Variants in GPRC5C observed in about 807,000 individuals in gnomAD.
GPRC5C encodes G protein-coupled receptor class C group 5 member C.
A neutral mutation model predicts 31.4 loss-of-function variants in GPRC5C; 22 were observed. That is an observed-to-expected ratio of 0.70 (90% confidence interval 0.50 to 1.00). The LOEUF (loss-of-function observed/expected upper bound fraction) is 1.00. GPRC5C is among the 50% of genes least tolerant of loss of function. The pLI is 0.00. For synonymous variants in GPRC5C, 249 were observed against 257.5 expected, an observed-to-expected ratio of 0.97 and a Z score of 0.32; for missense variants, 557 against 597.2, an observed-to-expected ratio of 0.93 and a Z score of 0.70.
intron 2 of GPRC5C, among the ~76,000 whole-genome samples, chr17:74,441,662 A>G (rs1350890190): frequency 6.6e-6 from 1 of 152,162 alleles, no homozygotes; most frequent in Non-Finnish European, 1.5e-5. Context: ...GTCTCTACAA[A>G]TAATTTCAAA....
At position 74,440,348 on chromosome 17, in the gene GPRC5C, A is replaced by C; in HGVS notation, c.572A>C (p.Asn191Thr). The C allele has an allele frequency of 6.2e-7, 1 of 1,614,152 alleles. No individual in the cohort carries two copies. The highest frequency in any genetic ancestry group is 8.5e-7 in the Non-Finnish European group (1 of 1,180,018). Reference sequence around the variant, plus strand: ...AGTGGCGAGGGCGGCCCTCAGGGCAACAGCAGCGCAGGCTGGGCCGTGGCC... The same window carrying C: ...AGTGGCGAGGGCGGCCCTCAGGGCACCAGCAGCGCAGGCTGGGCCGTGGCC... ...RGSGEGGPQG[N>T]SSAGWAVASP... Residue 191 changes from asparagine (N) to threonine (T), a missense_variant, in exon 2 of 4, where the codon AAC (asparagine) becomes ACC (threonine). Physicochemically the swap from Asn to Thr is moderately conservative, Grantham distance 65. Transcript: ENST00000392627. This position sits in a 1 kb window ranked among gnomAD's most constrained non-coding sequence, Gnocchi z 4.4.
At chr17:74,449,867 C>T, downstream of GPRC5C, 1 of 155,670 alleles carries the variant, frequency 6.4e-6, no homozygotes. Flanking sequence ...CAGAAGTTGG[C>T]CCTTGCCCTT....
At chr17:74,432,383 G>A in intron 1 of GPRC5C, 2 of 1,313,390 alleles carry the variant, frequency 1.5e-6, no homozygotes, top group Non-Finnish European at 1.9e-6. Context: ...CTGCGTCCCG[G>A]CCCGGGCCCC....
At chr17:74,438,685 C>G (rs2055480133) in intron 1 of GPRC5C, among the ~76,000 whole-genome samples, 1 of 152,176 alleles carries the variant, frequency 6.6e-6, no homozygotes, top group South Asian at 2.1e-4. Context: ...AGGCATGAAC[C>G]ACCGTGCCCA....
chr17:74,433,504 T>C (rs1459391531), intron 1 of GPRC5C, among the ~76,000 whole-genome samples: 1 of 152,156 alleles, frequency 6.6e-6, no homozygotes, highest in East Asian at 1.9e-4. Context: ...AGGCGTCTCC[T>C]GTGCGCCTTC....
Position 74,443,147 on chromosome 17 carries a change from C to T in GPRC5C, c.1052-671C>T, listed in dbSNP as rs566210744. On this transcript the variant is annotated intron_variant, in intron 2 of 3. Transcript: ENST00000392627. ...CCGAGGCCCCGGGGTGCGTCAGCAG[C>T]CCTCCTCAAACACCCTGGGAGTGCC... is the stretch of plus-strand genomic sequence containing the variant. 2.1e-4 allele frequency: 36 copies of T among 168,362 alleles called. No individual in the cohort carries two copies. In the South Asian group the frequency reaches 3.6e-3, roughly 17 times the overall value. The allele number at this position is 168,362 out of a possible 1,614,324, so 10.4% of individuals were successfully genotyped here.
chr17:74,442,337 G>A (rs1000531554), intron 2 of GPRC5C, among the ~76,000 whole-genome samples: 2 of 152,176 alleles, frequency 1.3e-5, no homozygotes, highest in South Asian at 2.1e-4. Context: ...TTGGGGTGCC[G>A]TGTAGTGGTC....
chr17:74,440,787 C>G lies in GPRC5C; in HGVS notation c.1011C>G (p.Phe337Leu), dbSNP rs530047993. ...AAGAGCAGAAGGGTCAGAGCATGTT[C>G]GTGGAGAACAAGGCCTTTTCCATGG... ...ILKEQKGQSM[F>L]VENKAFSMDE... The change falls in exon 2 of 4, where the codon TTC becomes TTG. Residue 337 changes from phenylalanine (F) to leucine (L), a missense_variant. Physicochemically the swap from Phe to Leu is conservative, Grantham distance 22 (BLOSUM62 0). Transcript: ENST00000392627. This position sits in a 1 kb window ranked among gnomAD's most constrained non-coding sequence, Gnocchi z 4.4. 3 of 1,535,968 alleles carry G rather than the reference C, an allele frequency of 2.0e-6. No homozygotes were observed. Among genetic ancestry groups the G allele is most frequent in the Middle Eastern group, 1.7e-4 (1 of 5,732 alleles).
At chr17:74,432,346 A>G in intron 1 of GPRC5C, 1 of 1,417,432 alleles carries the variant, frequency 7.1e-7, no homozygotes, top group Non-Finnish European at 9.2e-7. Context: ...CGCCTGGCTC[A>G]GCCTCGGTCC....
chr17:74,449,130 A>G (rs183446469), downstream of GPRC5C, among the ~76,000 whole-genome samples: 17 of 152,198 alleles, frequency 1.1e-4, no homozygotes, highest in African/African-American at 3.9e-4. Context: ...AAAGGGAGAG[A>G]AAGGTTGCTG....
intron 1 of GPRC5C, among the ~76,000 whole-genome samples, chr17:74,432,968 AG>A (rs1429731155): frequency 6.6e-6 from 1 of 152,000 alleles, no homozygotes; most frequent in Non-Finnish European, 1.5e-5. Flanking sequence ...CGACCCAAGT[AG>A]GGACGAGAGG....
chr17:74,436,875 C>T (rs1162375221), intron 1 of GPRC5C, among the ~76,000 whole-genome samples: 1 of 152,178 alleles, frequency 6.6e-6, no homozygotes, highest in Non-Finnish European at 1.5e-5. Context: ...TTGTTGTTAT[C>T]CATAAATTAT....
At chr17:74,444,064 A>C (rs1313639359) in intron 3 of GPRC5C, 152 bp downstream of exon 3, 1 of 635,350 alleles carries the variant, frequency 1.6e-6, no homozygotes, top group African/African-American at 1.9e-5. Flanking sequence ...TACCTGGGGA[A>C]TCCAGAGCCC....
At chr17:74,433,293 G>A (rs2055383316) in intron 1 of GPRC5C, among the ~76,000 whole-genome samples, 1 of 152,104 alleles carries the variant, frequency 6.6e-6, no homozygotes, top group South Asian at 2.1e-4. Flanking sequence ...TTGGGGGGTG[G>A]GGCGCATTCC....
rs1404036050 is a variant in GPRC5C, at chr17:74,440,607, C to A, written c.831C>A (p.Asp277Glu). The change falls in exon 2 of 4, where the codon GAC becomes GAA. Residue 277 changes from aspartate (D) to glutamate (E), a missense_variant. Coordinates refer to ENST00000392627, the MANE Select transcript of GPRC5C (RefSeq NM_022036.4). This position sits in a 1 kb window ranked among gnomAD's most constrained non-coding sequence, Gnocchi z 4.4. ...AGCACAACAGTCCCACCTGGGATGA[C>A]CCCACGCTGGCCATCGCCCTCGCCG... ...NKQHNSPTWD[D>E]PTLAIALAAN... 1 of 1,611,440 alleles carries A rather than the reference C, an allele frequency of 6.2e-7. No homozygotes were observed.
downstream of GPRC5C, among the ~76,000 whole-genome samples, chr17:74,448,657 G>A (rs1374166644): frequency 6.6e-6 from 1 of 152,222 alleles, no homozygotes; most frequent in Non-Finnish European, 1.5e-5. Context: ...AGGGTTACAG[G>A]CATGATCCAC....
Position 74,447,145 on chromosome 17 carries a change from G to T in GPRC5C, c.*117G>T. 1 of 1,485,424 alleles carries T rather than the reference G, an allele frequency of 6.7e-7. No individual in the cohort carries two copies. Among genetic ancestry groups the T allele is most frequent in the Non-Finnish European group, 8.9e-7 (1 of 1,118,274 alleles). The allele number at this position is 1,485,424 out of a possible 1,614,324, so 92.0% of individuals were successfully genotyped here. ...GGCAGGCCCAGCAACATGTGCCCCAGATCTGGAAGGGCCTCCCTCTCTGCC... is the reference window on the plus strand; with the variant it reads ...GGCAGGCCCAGCAACATGTGCCCCATATCTGGAAGGGCCTCCCTCTCTGCC... On this transcript the variant is annotated 3_prime_UTR_variant, in exon 4 of 4. Coordinates refer to ENST00000392627, the MANE Select transcript of GPRC5C (RefSeq NM_022036.4).
chr17:74,433,751 G>T, intron 1 of GPRC5C: 1 of 1,612,340 alleles, frequency 6.2e-7, no homozygotes, highest in South Asian at 1.1e-5. Context: ...ACAGCCATTG[G>T]CCATGGGTCA....
Position 74,440,544 on chromosome 17 carries a change from G to A in GPRC5C, c.768G>A (p.Trp256Ter). 1 of 1,614,202 alleles carries A rather than the reference G, an allele frequency of 6.2e-7. No homozygotes were observed. The highest frequency in any genetic ancestry group is 1.7e-5 in the Admixed American group (1 of 60,034). The change falls in exon 2 of 4, where the codon TGG becomes TGA. Residue 256 changes from tryptophan to a stop codon, truncating the protein, a stop_gained. Transcript: ENST00000392627. LOFTEE classifies it high-confidence loss of function. The surrounding 1 kb of genome is among the most constrained non-coding windows in gnomAD (Gnocchi z 4.4). ...LLTTATSVAIWVVWIVMYTYG... is the reference protein window; with the variant it reads ...LLTTATSVAI ...CCACAGCCACCTCCGTTGCCATATG[G>A]GTGGTGTGGATCGTCATGTATACTT... is the stretch of plus-strand genomic sequence containing the variant.
Sources: allele counts gnomAD v4.1 joint callset (sites outside exome capture counted in the v4.1 genomes callset), GRCh38; gene constraint gnomAD v4.1.1; non-coding constraint Gnocchi (gnomAD v3.1); transcripts MANE v1.5; gene names NCBI Gene and HGNC (gene_info 2026-07-23, HGNC 2026-07-21).